The following ZBTB44 variants were observed in gnomAD, a reference collection of about 807,000 sequenced individuals.
ZBTB44 encodes zinc finger and BTB domain-containing protein 44.
Under a neutral mutation model 54.0 loss-of-function variants are expected in ZBTB44, and 15 were observed. The observed-to-expected ratio is 0.28, with a 90% CI of 0.19 to 0.43. ZBTB44 has a LOEUF of 0.43. ZBTB44 is among the 20% of genes least tolerant of loss of function. The pLI is 1.00. For missense variants in ZBTB44, 487 were observed against 707.1 expected (o/e 0.69, Z 3.53); for synonymous variants, 230 against 250.1 (o/e 0.92, Z 0.76).
chr11:130,246,133 A>C (rs976733945), intron 2 of ZBTB44, among the ~76,000 whole-genome samples: 4 of 152,226 alleles, frequency 2.6e-5, no homozygotes, highest in Admixed American at 2.6e-4. Context: ...ACATAGTGTT[A>C]TATCACTTAT....
intron 1 of ZBTB44, among the ~76,000 whole-genome samples, chr11:130,309,454 T>C (rs1041351939): frequency 1.4e-4 from 21 of 152,190 alleles, no homozygotes; most frequent in Admixed American, 1.3e-3. Flanking sequence ...TAAAACTTCA[T>C]TTGAGATCAC....
intron 2 of ZBTB44, among the ~76,000 whole-genome samples, chr11:130,245,350 T>C (rs1348640785): frequency 6.6e-6 from 1 of 152,228 alleles, no homozygotes; most frequent in African/African-American, 2.4e-5. Context: ...AAAGAACTGT[T>C]TACTTGTCAG....
chr11:130,289,519 G>T (rs1475879079), intron 1 of ZBTB44, among the ~76,000 whole-genome samples: 1 of 150,698 alleles, frequency 6.6e-6, no homozygotes, highest in African/African-American at 2.4e-5. Flanking sequence ...AAAGACGGTG[G>T]TCAAGAGAAT....
chr11:130,240,358 T>C (rs1001391432), intron 2 of ZBTB44, among the ~76,000 whole-genome samples: 1 of 152,112 alleles, frequency 6.6e-6, no homozygotes, highest in Admixed American at 6.6e-5. Context: ...TATTTTTAAA[T>C]GTTTGTGATT....
chr11:130,264,443 T>C (rs903263989), intron 1 of ZBTB44, among the ~76,000 whole-genome samples: 1 of 152,164 alleles, frequency 6.6e-6, no homozygotes, highest in Non-Finnish European at 1.5e-5. Flanking sequence ...GCTTTTACTC[T>C]AAGTTTATTA....
intron 2 of ZBTB44, among the ~76,000 whole-genome samples, chr11:130,256,647 C>T (rs913625970): frequency 1.4e-5 from 2 of 141,968 alleles, no homozygotes; most frequent in African/African-American, 5.9e-5. Context: ...GAGTGAGACT[C>T]CGTCTCAAAA....
chr11:130,308,907 G>A (rs1029172547), intron 1 of ZBTB44, among the ~76,000 whole-genome samples: 3 of 152,176 alleles, frequency 2.0e-5, no homozygotes, highest in East Asian at 1.9e-4. Context: ...GGAGTCAGGC[G>A]GGTGGGAAAA....
At chr11:130,308,058 A>G (rs1942376589) in intron 1 of ZBTB44, among the ~76,000 whole-genome samples, 2 of 152,116 alleles carry the variant, frequency 1.3e-5, no homozygotes, top group Non-Finnish European at 2.9e-5. Flanking sequence ...CACCTTTTCT[A>G]GGTTTAGATA....
intron 1 of ZBTB44, among the ~76,000 whole-genome samples, chr11:130,307,298 A>T (rs1401360269): frequency 2.0e-5 from 3 of 151,712 alleles, no homozygotes; most frequent in South Asian, 2.1e-4. Flanking sequence ...GGTGGCAGGC[A>T]CCTGTAGTCC....
Position 130,261,718 on chromosome 11 carries a change from G to A in ZBTB44, c.156C>T (p.Cys52=). The part of the protein sequence containing the change: ...FRAHKVVLAA[C]SDFFRTKLVG... ...CAAGTTTGGTGCGAAAGAAATCACT[G>A]CAAGCTGCTAGTACCACCTTATGTG... is the stretch of plus-strand genomic sequence containing the variant. The change falls in exon 2 of 8, where the codon TGC becomes TGT. Residue 52 remains cysteine, a synonymous_variant. Transcript: ENST00000357899. The surrounding 1 kb of genome is among the most constrained non-coding windows in gnomAD (Gnocchi z 4.8). 1 of 1,614,020 alleles carries A rather than the reference G, an allele frequency of 6.2e-7. No individual in the cohort carries two copies. Among genetic ancestry groups the A allele is most frequent in the Non-Finnish European group, 8.5e-7 (1 of 1,179,900 alleles).
At chr11:130,311,655 TCTCTC>T (rs1942613857) in intron 1 of ZBTB44, among the ~76,000 whole-genome samples, 1 of 152,184 alleles carries the variant, frequency 6.6e-6, no homozygotes, top group Non-Finnish European at 1.5e-5. Context: ...TTTTCTTAGT[TCTCTC>T]CTCTCAAAGC....
intron 1 of ZBTB44, among the ~76,000 whole-genome samples, chr11:130,279,346 T>C (rs1464567086): frequency 6.6e-6 from 1 of 150,570 alleles, no homozygotes; most frequent in East Asian, 2.0e-4. Flanking sequence ...GTTTATATTC[T>C]ACAAATTAAT....
intron 1 of ZBTB44, among the ~76,000 whole-genome samples, chr11:130,298,206 C>T (rs1472235595): frequency 6.6e-6 from 1 of 151,708 alleles, no homozygotes; most frequent in Non-Finnish European, 1.5e-5. Context: ...TGCAGAGGCA[C>T]AATCACAACA....
intron 1 of ZBTB44, among the ~76,000 whole-genome samples, chr11:130,313,948 G>GTA (rs66987405): frequency 6.9e-4 from 100 of 145,624 alleles, no homozygotes; most frequent in Admixed American, 1.5e-3. Context: ...TTGTGTGTGT[G>GTA]TATATATATA....
intron 2 of ZBTB44, among the ~76,000 whole-genome samples, chr11:130,247,337 G>A (rs1435247568): frequency 2.0e-5 from 3 of 152,212 alleles, no homozygotes; most frequent in Non-Finnish European, 4.4e-5. Context: ...TGAGAGGGCA[G>A]ATATAAAATC....
rs148527755 is a variant in ZBTB44, at chr11:130,228,511, C to G, written c.*3253G>C. On this transcript the variant is annotated 3_prime_UTR_variant, in exon 8 of 8. Coordinates refer to ENST00000357899, the MANE Select transcript of ZBTB44 (RefSeq NM_001301098.2). ...ACACATAAGCTAATCCTAGAAAAGG[C>G]TCTCCTTAGAAAGCAGGTGTTTCTA... 146 of 152,234 alleles carry G rather than the reference C, an allele frequency of 9.6e-4. 2 individuals carry two copies. Among genetic ancestry groups the G allele is most frequent in the African/African-American group, 3.4e-3 (141 of 41,542 alleles). 9.4% of individuals were successfully genotyped at this position (152,234 alleles called of 1,614,324 possible).
intron 1 of ZBTB44, among the ~76,000 whole-genome samples, chr11:130,276,486 G>A (rs569714596): frequency 2.4e-3 from 365 of 150,674 alleles, no homozygotes; most frequent in Middle Eastern, 6.8e-3. Context: ...CCAGGCTGGA[G>A]TGCAGTGGCA....
chr11:130,296,482 A>G (rs1941656707), intron 1 of ZBTB44: 9 of 1,045,138 alleles, frequency 8.6e-6, no homozygotes, highest in Non-Finnish European at 1.3e-5. Context: ...TTGGGAACAC[A>G]TTGTGTACGG....
intron 2 of ZBTB44, among the ~76,000 whole-genome samples, chr11:130,242,221 T>C (rs969906717): frequency 2.0e-5 from 3 of 152,260 alleles, no homozygotes; most frequent in African/African-American, 7.2e-5. Flanking sequence ...AAATTAGAGA[T>C]ATACTTTGTT....
Sources: gnomAD v4.1 joint callset for allele counts (sites outside exome capture counted in the v4.1 genomes callset) on GRCh38, gnomAD v4.1.1 for gene constraint, Gnocchi (gnomAD v3.1) non-coding constraint, MANE v1.5 for transcripts, NCBI Gene and HGNC (gene_info 2026-07-23, HGNC 2026-07-21) for gene names.